ATP10B: variants seen among roughly 807,000 people sequenced by gnomAD.
The protein encoded by ATP10B is phospholipid-transporting ATPase VB.
In ATP10B, 122 loss-of-function variants were observed where a neutral mutation model predicts 141.2. The ratio of observed to expected loss-of-function variants is 0.86; its 90% CI spans 0.75 to 1.00. The LOEUF is 1.00. ATP10B is among the 50% of genes least tolerant of loss of function. The pLI, the probability that ATP10B is intolerant of heterozygous loss-of-function variation, is 0.00. For synonymous variants in ATP10B, 685 were observed against 692.0 expected, an observed-to-expected ratio of 0.99 and a Z score of 0.16; for missense variants, 1,876 against 1,825.3, an observed-to-expected ratio of 1.03 and a Z score of -0.51.
intron 22 of ATP10B, among the ~76,000 whole-genome samples, chr5:160,596,790 A>G (rs1237329589): frequency 6.6e-6 from 1 of 152,244 alleles, no homozygotes; most frequent in Non-Finnish European, 1.5e-5. Context: ...ACTCCCACTC[A>G]CAATTGCTTC....
chr5:160,896,634 A>AT, the ATP10B span, among the ~76,000 whole-genome samples: 11 of 152,048 alleles, frequency 7.2e-5, no homozygotes, highest in Admixed American at 2.0e-4. Context: ...AGCTGGTACC[A>AT]TTTTTTTTCT....
At chr5:160,592,478 A>AT (rs1756376238) in intron 22 of ATP10B, among the ~76,000 whole-genome samples, 1 of 152,244 alleles carries the variant, frequency 6.6e-6, no homozygotes, top group South Asian at 2.1e-4. Context: ...AGCTCCCAGC[A>AT]TGAGCGACAC....
intron 1 of ATP10B, among the ~76,000 whole-genome samples, chr5:160,832,696 T>TA (rs1023208432): frequency 3.3e-5 from 5 of 152,148 alleles, no homozygotes; most frequent in South Asian, 2.1e-4. Context: ...GATTATACTC[T>TA]AAAAAAACCC....
intron 2 of ATP10B, among the ~76,000 whole-genome samples, chr5:160,755,733 T>G (rs1232994991): frequency 7.0e-6 from 1 of 142,102 alleles, no homozygotes; most frequent in African/African-American, 2.6e-5. Flanking sequence ...GAGAATGGCG[T>G]GAACTCGGGA....
At chr5:160,782,433 C>T (rs1770777947) in intron 2 of ATP10B, among the ~76,000 whole-genome samples, 2 of 124,742 alleles carry the variant, frequency 1.6e-5, no homozygotes, top group Non-Finnish European at 3.4e-5. Flanking sequence ...CATTTTCTTC[C>T]TCCATACACA....
chr5:160,668,560 C>T (rs554571964), intron 7 of ATP10B, among the ~76,000 whole-genome samples: 2 of 152,142 alleles, frequency 1.3e-5, no homozygotes, highest in African/African-American at 2.4e-5. Flanking sequence ...TTAGCAAATG[C>T]GGCTGTAATA....
chr5:160,652,110 G>C (rs752165229), intron 7 of ATP10B, among the ~76,000 whole-genome samples: 79 of 152,090 alleles, frequency 5.2e-4, no homozygotes, highest in Non-Finnish European at 3.4e-4. Context: ...TCCTCTGTTG[G>C]GGCTTCCTAG....
chr5:160,816,800 C>T (rs147811536), intron 1 of ATP10B, among the ~76,000 whole-genome samples: 2,665 of 152,276 alleles, frequency 0.018, 150 homozygotes, highest in Admixed American at 0.12. Flanking sequence ...AAAGCTTATC[C>T]GCCATGATCA....
the ATP10B span, among the ~76,000 whole-genome samples, chr5:160,858,930 A>G: frequency 3.3e-5 from 5 of 151,918 alleles, no homozygotes; most frequent in African/African-American, 4.8e-5. Flanking sequence ...ACGTGTCATA[A>G]TTTTTACTTC....
At chr5:160,579,286 GT>G (rs2127600093) in intron 24 of ATP10B, among the ~76,000 whole-genome samples, 1 of 152,248 alleles carries the variant, frequency 6.6e-6, no homozygotes, top group South Asian at 2.1e-4. Flanking sequence ...TTCTTCTAGG[GT>G]TTTTATGGTT....
intron 3 of ATP10B, chr5:160,692,985 T>C (rs555626744): frequency 1.3e-5 from 2 of 152,298 alleles, no homozygotes; most frequent in South Asian, 4.1e-4. Flanking sequence ...TGACATCTTT[T>C]GCCTCCTGAT....
intron 18 of ATP10B, among the ~76,000 whole-genome samples, 171 bp from the exon 19 acceptor site, chr5:160,607,257 G>T (rs939039428): frequency 2.0e-5 from 3 of 152,062 alleles, no homozygotes; most frequent in Non-Finnish European, 4.4e-5. Flanking sequence ...TAATATCAAA[G>T]GAATATTAAT....
At chr5:160,794,033 CAT>C (rs1430384335) in intron 1 of ATP10B, among the ~76,000 whole-genome samples, 6 of 152,154 alleles carry the variant, frequency 3.9e-5, no homozygotes, top group Non-Finnish European at 5.9e-5. Context: ...TGTCTAAAAA[CAT>C]ATTTCTCAGA....
upstream of ATP10B, among the ~76,000 whole-genome samples, chr5:160,857,003 A>G (rs533251109): frequency 1.3e-5 from 2 of 151,926 alleles, no homozygotes; most frequent in East Asian, 3.9e-4. Context: ...TATATTCATG[A>G]AGGCTTTGGG....
At position 160,632,203 on chromosome 5, in the gene ATP10B, G is replaced by A. The variant is rs778086623; in HGVS notation, c.1546C>T (p.Gln516Ter). 9 of 1,614,068 alleles carry A rather than the reference G, an allele frequency of 5.6e-6. No individual in the cohort carries two copies. The highest frequency in any genetic ancestry group is 7.6e-6 in the Non-Finnish European group (9 of 1,180,040). ...ATAGACCTTTGCCGGTAGTGGCCCT[G>A]GATGGGCACCCGGGCACTCTGGCTC... ...RRSQSARVPIQGHYRQRSMGH... is the reference protein window; with the variant it reads ...RRSQSARVPI The change falls in exon 13 of 26, where the codon CAG becomes TAG. Residue 516 changes from glutamine (Q) to a stop codon, truncating the protein, a stop_gained. Coordinates refer to ENST00000327245, the MANE Select transcript of ATP10B (RefSeq NM_025153.3). LOFTEE classifies it high-confidence loss of function.
the ATP10B span, among the ~76,000 whole-genome samples, chr5:160,901,502 T>C: frequency 2.0e-5 from 3 of 152,194 alleles, no homozygotes; most frequent in Non-Finnish European, 4.4e-5. Flanking sequence ...AGGTAGATGA[T>C]GTTGAGGCCT....
intron 2 of ATP10B, among the ~76,000 whole-genome samples, chr5:160,729,934 A>G (rs1490876074): frequency 6.6e-6 from 1 of 152,030 alleles, no homozygotes; most frequent in Non-Finnish European, 1.5e-5. Flanking sequence ...AGAAGGAAGG[A>G]TATCTATGAA....
the ATP10B span, among the ~76,000 whole-genome samples, chr5:160,859,053 T>C: frequency 6.6e-6 from 1 of 151,954 alleles, no homozygotes; most frequent in Non-Finnish European, 1.5e-5. Flanking sequence ...TTATTTTGTC[T>C]TTCCTTTTTG....
chr5:160,682,041 C>T (rs114224007), intron 6 of ATP10B, among the ~76,000 whole-genome samples: 136 of 152,314 alleles, frequency 8.9e-4, no homozygotes, highest in Middle Eastern at 3.4e-3. Flanking sequence ...TTTATCAGTC[C>T]ATGAGTAATA....
Sources: allele counts gnomAD v4.1 joint callset (sites outside exome capture counted in the v4.1 genomes callset), GRCh38; gene constraint gnomAD v4.1.1; transcripts MANE v1.5; gene names NCBI Gene and HGNC (gene_info 2026-07-23, HGNC 2026-07-21).